The following DENND6A variants were observed in gnomAD, a reference collection of about 807,000 sequenced individuals.
DENND6A encodes protein DENND6A.
A neutral mutation model predicts 95.5 loss-of-function variants in DENND6A; 43 were observed. The observed-to-expected ratio is 0.45, with a 90% CI of 0.35 to 0.58. DENND6A has a LOEUF of 0.58. Ranked by LOEUF, DENND6A falls within the 20% of genes least tolerant of loss-of-function variation. The pLI, the probability that DENND6A is intolerant of heterozygous loss-of-function variation, is 0.00. For synonymous variants in DENND6A, 257 were observed against 260.4 expected (o/e 0.99, Z 0.13); for missense variants, 574 against 736.0 (o/e 0.78, Z 2.55).
intron 9 of DENND6A, among the ~76,000 whole-genome samples, chr3:57,649,578 T>C (rs1330918084): frequency 6.7e-6 from 1 of 148,914 alleles, no homozygotes; most frequent in African/African-American, 2.5e-5. Context: ...AGCAGCACAA[T>C]GCACAATTGC....
At chr3:57,692,221 C>G (rs896004920) in intron 1 of DENND6A, among the ~76,000 whole-genome samples, 2 of 103,858 alleles carry the variant, frequency 1.9e-5, no homozygotes, top group African/African-American at 7.5e-5. Context: ...AGAGCAAAAA[C>G]TCCGTCTCAA....
chr3:57,659,166 T>C lies in DENND6A; in HGVS notation c.714A>G (p.Thr238=), dbSNP rs200321281. 7 of 1,614,026 alleles carry C rather than the reference T, an allele frequency of 4.3e-6. No individual in the cohort carries two copies. Among genetic ancestry groups the C allele is most frequent in the Admixed American group, 1.7e-5 (1 of 60,010 alleles). Residue 238 remains threonine (T), a synonymous_variant, in exon 8 of 20, where the codon ACA becomes ACG. Coordinates refer to ENST00000311128, the MANE Select transcript of DENND6A (RefSeq NM_152678.3). ...MGVVMKVRIP[T]CHDKPGTTQI... The stretch of plus-strand genomic sequence containing the variant: ...GAGTTGTCCCAGGCTTGTCATGACA[T>C]GTGGGAATCCGTACCTAAAAGAAAG...
chr3:57,671,410 G>T (rs2071615171), intron 3 of DENND6A, among the ~76,000 whole-genome samples: 1 of 151,878 alleles, frequency 6.6e-6, no homozygotes, highest in South Asian at 2.1e-4. Flanking sequence ...GGCGCCTGTG[G>T]TCCCAGCTAC....
chr3:57,637,863 C>T (rs1320003038), intron 12 of DENND6A, among the ~76,000 whole-genome samples: 2 of 151,142 alleles, frequency 1.3e-5, no homozygotes, highest in African/African-American at 4.9e-5. Flanking sequence ...AGGCCGGGCA[C>T]AGTGGCTCAC....
chr3:57,681,293 G>A (rs746654160), intron 1 of DENND6A, among the ~76,000 whole-genome samples: 5 of 151,842 alleles, frequency 3.3e-5, no homozygotes, highest in East Asian at 1.9e-4. Context: ...GTGAAACCCC[G>A]TCTCTACTAA....
intron 3 of DENND6A, among the ~76,000 whole-genome samples, chr3:57,670,420 G>C (rs966839763): frequency 6.6e-6 from 1 of 152,160 alleles, no homozygotes; most frequent in African/African-American, 2.4e-5. Flanking sequence ...TCTGTGGGAA[G>C]GTAAACATAT....
At chr3:57,684,422 C>G (rs1421132808) in intron 1 of DENND6A, among the ~76,000 whole-genome samples, 1 of 152,114 alleles carries the variant, frequency 6.6e-6, no homozygotes, top group Non-Finnish European at 1.5e-5. Flanking sequence ...GAGATCGTGC[C>G]ACTGCACTCT....
At chr3:57,648,871 A>G (rs2071134865) in intron 9 of DENND6A, among the ~76,000 whole-genome samples, 1 of 152,210 alleles carries the variant, frequency 6.6e-6, no homozygotes, top group Non-Finnish European at 1.5e-5. Context: ...CAAACTCAAG[A>G]TTAATCAAAA....
chr3:57,647,281 C>T (rs2071099031), intron 9 of DENND6A, among the ~76,000 whole-genome samples: 1 of 152,028 alleles, frequency 6.6e-6, no homozygotes, highest in Non-Finnish European at 1.5e-5. Flanking sequence ...AAGATAAGTG[C>T]CACAAAAGAA....
intron 9 of DENND6A, among the ~76,000 whole-genome samples, chr3:57,651,016 T>C (rs1477890280): frequency 6.6e-5 from 10 of 152,106 alleles, no homozygotes; most frequent in Admixed American, 6.5e-4. Flanking sequence ...ACTCCCGATC[T>C]CAGATGATCT....
At chr3:57,642,133 T>G (rs2070957172) in intron 11 of DENND6A, among the ~76,000 whole-genome samples, 1 of 151,720 alleles carries the variant, frequency 6.6e-6, no homozygotes. Context: ...GCCAACATGG[T>G]GAAACCCCAT....
chr3:57,652,246 T>C (rs1379098121), intron 9 of DENND6A, among the ~76,000 whole-genome samples: 1 of 152,176 alleles, frequency 6.6e-6, no homozygotes, highest in Admixed American at 6.5e-5. Context: ...CAGCCTTCTC[T>C]CAGTGCTTGC....
rs1462112187 is a variant in DENND6A, at chr3:57,628,337, A to T, written c.1704T>A (p.Ala568=). The T allele has an allele frequency of 5.0e-6, 8 of 1,613,726 alleles. No individual in the cohort carries two copies. The South Asian group carries it at 8.8e-5, about 18-fold the overall frequency. The change falls in exon 20 of 20, where the codon GCT becomes GCA. Residue 568 remains alanine (A), a synonymous_variant. Transcript: ENST00000311128. ...VLKLKNKLLQ[A]DREHLPVKPD... ...GTTTCACAGGTAAGTGCTCTCGATC[A>T]GCCTGCAACTACATAAGGAACATTT...
chr3:57,657,765 G>A, intron 8 of DENND6A, 30 bp from the exon 9 acceptor site: 2 of 1,446,816 alleles, frequency 1.4e-6, no homozygotes, highest in South Asian at 1.2e-5. Flanking sequence ...AATAAAAGAA[G>A]GTATCACCAA....
chr3:57,639,554 T>C (rs955991406), intron 12 of DENND6A, among the ~76,000 whole-genome samples: 25 of 152,204 alleles, frequency 1.6e-4, no homozygotes, highest in African/African-American at 6.0e-4. Flanking sequence ...AAAAAATTTA[T>C]CATATCATCT....
intron 5 of DENND6A, among the ~76,000 whole-genome samples, chr3:57,662,591 TA>T (rs968908059): frequency 7.9e-5 from 12 of 151,898 alleles, no homozygotes; most frequent in East Asian, 7.7e-4. Flanking sequence ...TACTGGCTCT[TA>T]AAAAAAATAT....
intron 9 of DENND6A, among the ~76,000 whole-genome samples, chr3:57,654,111 C>G (rs921547496): frequency 6.7e-6 from 1 of 148,832 alleles, no homozygotes; most frequent in Non-Finnish European, 1.5e-5. Context: ...CCACGCCCGG[C>G]TAATTTTTTT....
intron 1 of DENND6A, among the ~76,000 whole-genome samples, chr3:57,685,073 C>T (rs2077200327): frequency 6.6e-6 from 1 of 151,916 alleles, no homozygotes; most frequent in Admixed American, 6.6e-5. Context: ...GCCACCATGC[C>T]TGGCTAATTT....
At chr3:57,650,124 T>C (rs1201384253) in intron 9 of DENND6A, among the ~76,000 whole-genome samples, 1 of 151,908 alleles carries the variant, frequency 6.6e-6, no homozygotes, top group African/African-American at 2.4e-5. Context: ...ACTATGAACT[T>C]TGGGAACTCA....
Sources: gnomAD v4.1 joint callset for allele counts (sites outside exome capture counted in the v4.1 genomes callset) on GRCh38, gnomAD v4.1.1 for gene constraint, MANE v1.5 for transcripts, NCBI Gene and HGNC (gene_info 2026-07-23, HGNC 2026-07-21) for gene names.